PLD4: variants seen among roughly 807,000 people sequenced by gnomAD.
PLD4 encodes the protein phospholipase D family member 4.
Under a neutral mutation model 52.3 loss-of-function variants are expected in PLD4, and 54 were observed. That is an observed-to-expected ratio of 1.03 (90% CI 0.83 to 1.30). PLD4 has a LOEUF of 1.30. Ranked by LOEUF, PLD4 falls within the 50% of genes most tolerant of loss-of-function variation. The probability of loss-of-function intolerance (pLI) is 0.00; values close to 1 mark genes in which losing one functional copy is unlikely to be tolerated. For synonymous variants in PLD4, 264 were observed against 286.5 expected (o/e 0.92, Z 0.79); for missense variants, 731 against 671.1 (o/e 1.09, Z -0.99).
At chr14:104,930,647 C>T in intron 6 of PLD4, 95 bp from the exon 7 acceptor site, 2 of 1,357,640 alleles carry the variant, frequency 1.5e-6, no homozygotes, top group African/African-American at 1.4e-5. Context: ...CGGGCAGGGA[C>T]TGCACCTGCC....
intron 6 of PLD4, 126 bp downstream of exon 6, chr14:104,930,231 T>G (rs527959800): frequency 3.8e-5 from 49 of 1,300,224 alleles, no homozygotes; most frequent in Middle Eastern, 2.6e-4. Flanking sequence ...CAATTCACTA[T>G]GGTAGAAACA....
intron 8 of PLD4, 37 bp from the exon 9 acceptor site, chr14:104,931,975 G>T: frequency 1.9e-6 from 3 of 1,540,216 alleles, no homozygotes; most frequent in Non-Finnish European, 1.7e-6. Context: ...TATCGGGCCC[G>T]GCTTGTAAGC....
intron 3 of PLD4, 120 bp from the exon 4 acceptor site, chr14:104,928,629 T>C: frequency 1.9e-6 from 2 of 1,062,790 alleles, no homozygotes; most frequent in Non-Finnish European, 2.7e-6. Flanking sequence ...TGGCCTGGGC[T>C]CATCCCGGGG....
rs1375361028 is a variant in PLD4 at position 104,926,750 on chromosome 14, T to G, written c.1-391T>G. On this transcript the variant is annotated intron_variant, in intron 1 of 10. Transcript: ENST00000392593. Reference sequence around the variant, plus strand: ...TTGTGGTTGAAACAGGGAACTGAGATGCAAATACCTAGATACTCACTGAGT... The same window carrying G: ...TTGTGGTTGAAACAGGGAACTGAGAGGCAAATACCTAGATACTCACTGAGT... Among the ~76,000 whole-genome samples the G allele has an allele frequency of 1.3e-5, 2 of 152,214 alleles. 1 individual carries two copies. Among genetic ancestry groups the G allele is most frequent in the African/African-American group, 4.8e-5 (2 of 41,454 alleles).
intron 5 of PLD4, 86 bp from the exon 6 acceptor site, chr14:104,929,892 C>T (rs1897582599): frequency 6.7e-7 from 1 of 1,499,498 alleles, no homozygotes; most frequent in African/African-American, 1.4e-5. Flanking sequence ...GAGTCAACCC[C>T]ACTGTCAAGA....
chr14:104,928,150 C>T (rs1897520341), intron 3 of PLD4, among the ~76,000 whole-genome samples: 1 of 152,090 alleles, frequency 6.6e-6, no homozygotes, highest in Non-Finnish European at 1.5e-5. Context: ...CCTTCCACCC[C>T]TGGGGGTAAT....
chr14:104,931,990 C>A, intron 8 of PLD4, 22 bp from the exon 9 acceptor site: 1 of 1,554,058 alleles, frequency 6.4e-7, no homozygotes, highest in Non-Finnish European at 8.7e-7. Flanking sequence ...GTAAGCAGAG[C>A]CCCGTCCCTC....
intron 7 of PLD4, among the ~76,000 whole-genome samples, chr14:104,931,438 T>C (rs1897640727): frequency 6.6e-6 from 1 of 151,548 alleles, no homozygotes; most frequent in South Asian, 2.1e-4. Context: ...AAGGGAAGCC[T>C]CCCTAGATGG....
In PLD4 at chr14:104,930,056, G is replaced by GT. The variant is rs761840322; in HGVS notation, c.668_669insT (p.His224AlafsTer26). 4.0e-5 allele frequency: 64 copies of GT among 1,613,502 alleles called. No individual in the cohort carries two copies. Among genetic ancestry groups the GT allele is most frequent in the Non-Finnish European group, 5.3e-5 (63 of 1,179,988 alleles). On this transcript the variant is annotated frameshift_variant, in exon 6 of 11. Coordinates refer to ENST00000392593, the MANE Select transcript of PLD4 (RefSeq NM_138790.5). LOFTEE classifies it high-confidence loss of function. The stretch of plus-strand genomic sequence containing the variant: ...TCCAAATTCTGGGTTGTGGATGGAC[G>GT]GCACATATACATGGGCAGTGCCAAC...
Position 104,928,800 on chromosome 14 carries a change from C to T in PLD4, c.336C>T (p.Ser112=). ...AGGACCTGCCATCTGCAGCCGGCAG[C>T]CCCTCTGCCCAGCCTCTGGGCCAGG... ...IPQDLPSAAG[S]PSAQPLGQAW... is the part of the protein sequence containing the mutation. Residue 112 remains serine, a synonymous_variant, in exon 4 of 11, where the codon AGC becomes AGT. Coordinates refer to ENST00000392593, the MANE Select transcript of PLD4 (RefSeq NM_138790.5). The T allele has an allele frequency of 6.2e-7, 1 of 1,609,112 alleles. No individual in the cohort carries two copies. Among genetic ancestry groups the T allele is most frequent in the Non-Finnish European group, 8.5e-7 (1 of 1,177,198 alleles).
intron 4 of PLD4, 76 bp downstream of exon 4, chr14:104,929,008 C>T (rs768289634): frequency 1.9e-5 from 29 of 1,501,030 alleles, no homozygotes; most frequent in Non-Finnish European, 2.5e-5. Flanking sequence ...ATGCAGGCGT[C>T]TCGGGCACCA....
rs78212333 is a variant in PLD4, at chr14:104,931,563, C to T, written c.919-185C>T. ...CAGTCCAGCTGCTTCCCCACTCTCTCCGCCAGGCCTCAGAGCCAGTCCCCA... is the reference window on the plus strand; with the variant it reads ...CAGTCCAGCTGCTTCCCCACTCTCTTCGCCAGGCCTCAGAGCCAGTCCCCA... On this transcript the variant is annotated intron_variant, in intron 7 of 10. Transcript: ENST00000392593. Among the ~76,000 whole-genome samples the T allele has an allele frequency of 9.5e-3, 1,454 of 152,292 alleles. 13 individuals carry two copies. The highest frequency in any genetic ancestry group is 0.015 in the Non-Finnish European group (989 of 68,008).
intron 4 of PLD4, 131 bp from the exon 5 acceptor site, chr14:104,929,176 C>A: frequency 7.1e-7 from 1 of 1,416,178 alleles, no homozygotes. Flanking sequence ...CAAGGGTCAT[C>A]CAGATACTTG....
chr14:104,930,562 C>A, intron 6 of PLD4, 180 bp from the exon 7 acceptor site: 1 of 637,172 alleles, frequency 1.6e-6, no homozygotes, highest in Non-Finnish European at 2.7e-6. Context: ...CACAGGCACC[C>A]GCTGGGCACT....
chr14:104,935,777 C>T (rs1471935229), downstream of PLD4: 1 of 152,164 alleles, frequency 6.6e-6, no homozygotes, highest in South Asian at 2.1e-4. Flanking sequence ...GCCTCCAGCC[C>T]CCAACTAGCA....
At chr14:104,929,255 C>G (rs919994379) in intron 4 of PLD4, 52 bp from the exon 5 acceptor site, 18 of 1,570,738 alleles carry the variant, frequency 1.1e-5, no homozygotes, top group African/African-American at 6.7e-5. Flanking sequence ...AGTGGGGATG[C>G]GGAGGAGAGG....
chr14:104,930,837 G>A lies in PLD4; in HGVS notation c.813G>A (p.Lys271=). 2 of 1,613,548 alleles carry A rather than the reference G, an allele frequency of 1.2e-6. No homozygotes were observed. The highest frequency in any genetic ancestry group is 1.7e-6 in the Non-Finnish European group (2 of 1,180,010). Reference sequence around the variant, plus strand: ...CCTACTGGGTACTGGGGGTGCCCAAGGCTGTCCTCCCCAAAACCTGGCCTC... The same window carrying A: ...CCTACTGGGTACTGGGGGTGCCCAAAGCTGTCCTCCCCAAAACCTGGCCTC... ...FQTYWVLGVP[K]AVLPKTWPQN... is the part of the protein sequence containing the mutation. Residue 271 remains lysine (K), a synonymous_variant, in exon 7 of 11, where the codon AAG becomes AAA. Transcript: ENST00000392593.
downstream of PLD4, chr14:104,935,338 G>C (rs1897783730): frequency 6.6e-6 from 1 of 152,270 alleles, no homozygotes; most frequent in African/African-American, 2.4e-5. Context: ...CCAGTGAAAG[G>C]CCTCTTTCCA....
In PLD4 at chr14:104,931,905, G is replaced by A. The variant is rs781219285; in HGVS notation, c.1058+18G>A. On this transcript the variant is annotated intron_variant, in intron 8 of 10. Transcript: ENST00000392593. ...CCCCCGAGGTAGGTCTGAGTGGGAG[G>A]TGGGCGGCCTGCTCTGCTGACGGGC... 6.5e-7 allele frequency: 1 copy of A among 1,531,196 alleles called. No individual in the cohort carries two copies. The highest frequency in any genetic ancestry group is 2.0e-5 in the Admixed American group (1 of 51,218). The allele number at this position is 1,531,196 out of a possible 1,614,324, so 94.9% of individuals were successfully genotyped here. A position where few individuals can be genotyped will look rare whatever the true frequency, so the allele number is the denominator to read the frequency against.
Sources: gnomAD v4.1 joint callset for allele counts (sites outside exome capture counted in the v4.1 genomes callset) on GRCh38, gnomAD v4.1.1 for gene constraint, MANE v1.5 for transcripts, NCBI Gene and HGNC (gene_info 2026-07-23, HGNC 2026-07-21) for gene names.